The following PARD6G variants were observed in gnomAD, a reference collection of about 807,000 sequenced individuals.
PARD6G encodes the protein partitioning defective 6 homolog gamma.
Under a neutral mutation model 10.7 loss-of-function variants are expected in PARD6G, and 7 were observed. That is an observed-to-expected ratio of 0.66 (90% CI 0.37 to 1.23). The LOEUF (loss-of-function observed/expected upper bound fraction) is 1.23, where lower values mean the gene tolerates loss of function less well. Ranked by LOEUF, PARD6G falls within the 50% of genes most tolerant of loss-of-function variation. The probability of loss-of-function intolerance (pLI) is 0.02; values close to 1 mark genes in which losing one functional copy is unlikely to be tolerated. For synonymous variants in PARD6G, 287 were observed against 269.4 expected (o/e 1.07, Z -0.64); for missense variants, 548 against 571.8 (o/e 0.96, Z 0.42).
intron 2 of PARD6G, among the ~76,000 whole-genome samples, chr18:80,164,083 C>G (rs1005920218): frequency 2.5e-4 from 38 of 152,136 alleles, no homozygotes; most frequent in Non-Finnish European, 1.3e-4. Context: ...AAAGAGGCAG[C>G]CTAAAAGGAC....
intron 2 of PARD6G, chr18:80,187,686 C>CCA (rs2052887511): frequency 6.6e-6 from 1 of 152,264 alleles, no homozygotes; most frequent in Non-Finnish European, 1.5e-5. Context: ...TTTGTGGGCT[C>CCA]CACCCTGGCC....
Position 80,160,336 on chromosome 18 carries a change from T to C in PARD6G, c.566A>G (p.Lys189Arg). 6 of 1,611,924 alleles carry C rather than the reference T, an allele frequency of 3.7e-6. No homozygotes were observed. The highest frequency in any genetic ancestry group is 5.1e-6 in the Non-Finnish European group (6 of 1,179,796). ...GCGCGAGATGAAGATGCCGGGCACCTTCTCCAGCCCGTGCGGGGTCACGCG... is the reference window on the plus strand; with the variant it reads ...GCGCGAGATGAAGATGCCGGGCACCCTCTCCAGCCCGTGCGGGGTCACGCG... Reference protein sequence around the residue: ...SVRVTPHGLEKVPGIFISRMV... With the variant: ...SVRVTPHGLERVPGIFISRMV... Residue 189 changes from lysine to arginine, a missense_variant, in exon 3 of 3, where the codon AAG becomes AGG. By Grantham distance (26) the Lys-to-Arg change is conservative. Transcript: ENST00000353265.
At chr18:80,214,784 G>T (rs1002815394) in intron 1 of PARD6G, among the ~76,000 whole-genome samples, 4 of 152,004 alleles carry the variant, frequency 2.6e-5, no homozygotes, top group African/African-American at 9.7e-5. Flanking sequence ...AGGCAGAAAG[G>T]CTATTTGGAA....
chr18:80,223,308 T>C (rs1362011826), intron 1 of PARD6G, among the ~76,000 whole-genome samples: 1 of 152,252 alleles, frequency 6.6e-6, no homozygotes, highest in East Asian at 1.9e-4. Flanking sequence ...TCAAGGAACA[T>C]CATGAAGAAA....
At chr18:80,165,182 T>C (rs1239683554) in intron 2 of PARD6G, among the ~76,000 whole-genome samples, 1 of 152,190 alleles carries the variant, frequency 6.6e-6, no homozygotes, top group African/African-American at 2.4e-5. Flanking sequence ...ATCTCAGTCC[T>C]TATCTCAATC....
At chr18:80,209,478 T>A (rs1967086003) in intron 1 of PARD6G, among the ~76,000 whole-genome samples, 1 of 152,084 alleles carries the variant, frequency 6.6e-6, no homozygotes, top group Non-Finnish European at 1.5e-5. Flanking sequence ...TATTAAAAAT[T>A]ATCTCAAATA....
intron 2 of PARD6G, among the ~76,000 whole-genome samples, chr18:80,172,696 T>G (rs756730637): frequency 6.6e-6 from 1 of 152,202 alleles, no homozygotes. Context: ...GGTTGTCTTT[T>G]CTATTGACGT....
At position 80,228,382 on chromosome 18, in the gene PARD6G, T is replaced by C. The variant is rs112972436; in HGVS notation, c.72+18895A>G. ...GGCCACATGCACAAGGCCACCCAGG[T>C]CCCTCTACATTGACCCCCAGCCTCC... On this transcript the variant is annotated intron_variant, in intron 1 of 2. Transcript: ENST00000353265. This position sits in a 1 kb window ranked among gnomAD's most constrained non-coding sequence, Gnocchi z 4.6. 0.025 allele frequency among the ~76,000 whole-genome samples: 3,873 copies of C among 152,042 alleles called. 156 individuals carry two copies. Among genetic ancestry groups the C allele is most frequent in the African/African-American group, 0.089 (3,677 of 41,442 alleles).
At chr18:80,227,324 G>T (rs2145298919) in intron 1 of PARD6G, among the ~76,000 whole-genome samples, 1 of 152,248 alleles carries the variant, frequency 6.6e-6, no homozygotes, top group East Asian at 1.9e-4. Flanking sequence ...AAAACAGAAA[G>T]ACAGGACAAG....
intron 1 of PARD6G, among the ~76,000 whole-genome samples, chr18:80,221,785 T>C (rs1056033238): frequency 8.5e-5 from 13 of 152,214 alleles, no homozygotes; most frequent in Non-Finnish European, 1.8e-4. Context: ...CATTTGTATA[T>C]AGAAAATCCT....
At chr18:80,170,137 TGG>T (rs2052765965) in intron 2 of PARD6G, 3 of 152,208 alleles carry the variant, frequency 2.0e-5, no homozygotes, top group Non-Finnish European at 4.4e-5. Flanking sequence ...ACTACACCAC[TGG>T]GTCAAAACAC....
At chr18:80,196,890 T>TAAA (rs572719232) in intron 2 of PARD6G, among the ~76,000 whole-genome samples, 7 of 88,014 alleles carry the variant, frequency 8.0e-5, no homozygotes, top group South Asian at 4.7e-4. Context: ...TTTCTTTTAT[T>TAAA]AAAAAAAAAA....
chr18:80,208,047 G>C (rs552268126), intron 1 of PARD6G, among the ~76,000 whole-genome samples: 2 of 151,794 alleles, frequency 1.3e-5, no homozygotes, highest in South Asian at 2.1e-4. Flanking sequence ...GCAGCATTTA[G>C]ATTTCACTGT....
chr18:80,176,336 A>G (rs2052807641), intron 2 of PARD6G, among the ~76,000 whole-genome samples: 1 of 152,240 alleles, frequency 6.6e-6, no homozygotes, highest in Non-Finnish European at 1.5e-5. Flanking sequence ...ACTGATGGAT[A>G]CATCCCACGT....
intron 1 of PARD6G, among the ~76,000 whole-genome samples, chr18:80,204,606 T>TAA (rs777099969): frequency 2.9e-5 from 4 of 137,208 alleles, no homozygotes; most frequent in Admixed American, 1.5e-4. Context: ...CCTCAGCAAT[T>TAA]AAAAAAAAAA....
chr18:80,209,727 G>A (rs1411185039), intron 1 of PARD6G, among the ~76,000 whole-genome samples: 1 of 152,164 alleles, frequency 6.6e-6, no homozygotes, highest in African/African-American at 2.4e-5. Flanking sequence ...CAGGAGGATC[G>A]TTTGAACCTG....
At chr18:80,245,486 G>T (rs1401215976) in intron 1 of PARD6G, among the ~76,000 whole-genome samples, 1 of 152,152 alleles carries the variant, frequency 6.6e-6, no homozygotes, top group Non-Finnish European at 1.5e-5. Context: ...ACACGAATGA[G>T]TGTGTCACGC....
chr18:80,163,486 G>A (rs960577318), intron 2 of PARD6G, among the ~76,000 whole-genome samples: 6 of 152,254 alleles, frequency 3.9e-5, no homozygotes, highest in South Asian at 2.1e-4. Context: ...TCTGAGAGCC[G>A]CTTGTCTTCA....
intron 2 of PARD6G, among the ~76,000 whole-genome samples, chr18:80,191,545 T>C (rs1024972957): frequency 3.3e-5 from 5 of 152,218 alleles, no homozygotes; most frequent in Non-Finnish European, 7.3e-5. Context: ...CCACAGATGA[T>C]AGATTGCAGG....
Sources: allele counts gnomAD v4.1 joint callset (sites outside exome capture counted in the v4.1 genomes callset), GRCh38; gene constraint gnomAD v4.1.1; non-coding constraint Gnocchi (gnomAD v3.1); transcripts MANE v1.5; gene names NCBI Gene and HGNC (gene_info 2026-07-23, HGNC 2026-07-21).